The following PLCL1 variants were observed in gnomAD, a reference collection of about 807,000 sequenced individuals.
PLCL1 encodes phospholipase C like 1 (inactive).
In PLCL1, 41 loss-of-function variants were observed where a neutral mutation model predicts 84.4. That is an observed-to-expected ratio of 0.49 (90% confidence interval 0.38 to 0.63). The LOEUF is 0.63. PLCL1 is among the 30% of genes least tolerant of loss of function. PLCL1 has a pLI of 0.00. For missense variants in PLCL1, 1,206 were observed against 1,367.8 expected (o/e 0.88, Z 1.87); for synonymous variants, 490 against 488.3 (o/e 1.00, Z -0.05).
At chr2:198,134,766 GA>G (rs1369827254) in intron 5 of PLCL1, among the ~76,000 whole-genome samples, 1 of 152,168 alleles carries the variant, frequency 6.6e-6, no homozygotes, top group East Asian at 1.9e-4. Flanking sequence ...TGTGCCCTTG[GA>G]ATTGTGTAAC....
chr2:198,104,761 T>C (rs1411313685), intron 5 of PLCL1, among the ~76,000 whole-genome samples: 1 of 152,112 alleles, frequency 6.6e-6, no homozygotes, highest in East Asian at 1.9e-4. Flanking sequence ...TGGTTTTGAT[T>C]TGGATTTCTC....
chr2:198,027,424 A>G (rs1004858891), intron 1 of PLCL1, among the ~76,000 whole-genome samples: 3 of 152,182 alleles, frequency 2.0e-5, no homozygotes, highest in Non-Finnish European at 4.4e-5. Flanking sequence ...CAAGAGACCC[A>G]TTGTACAACA....
At chr2:198,027,511 A>G (rs1383403517) in intron 1 of PLCL1, among the ~76,000 whole-genome samples, 1 of 152,214 alleles carries the variant, frequency 6.6e-6, no homozygotes, top group Non-Finnish European at 1.5e-5. Context: ...TGCTTATGAC[A>G]AAAAATGATA....
intron 1 of PLCL1, among the ~76,000 whole-genome samples, chr2:197,829,635 T>C (rs1359155618): frequency 1.3e-5 from 2 of 152,242 alleles, no homozygotes; most frequent in African/African-American, 4.8e-5. Context: ...CAAATGTTTT[T>C]GTTTGCTTTA....
chr2:197,892,183 T>C (rs996591215), intron 1 of PLCL1, among the ~76,000 whole-genome samples: 3 of 152,190 alleles, frequency 2.0e-5, no homozygotes, highest in African/African-American at 7.2e-5. Context: ...ATTTTCTAGT[T>C]AAGTCTTAAG....
chr2:197,959,967 C>G (rs994455115), intron 1 of PLCL1, among the ~76,000 whole-genome samples: 2 of 152,016 alleles, frequency 1.3e-5, no homozygotes, highest in African/African-American at 4.8e-5. Flanking sequence ...TCTGTGGCAC[C>G]TCCACCTCTC....
chr2:197,933,732 G>A (rs572665140), intron 1 of PLCL1, among the ~76,000 whole-genome samples: 3 of 152,006 alleles, frequency 2.0e-5, no homozygotes, highest in Non-Finnish European at 4.4e-5. Context: ...TGGGAAGAAG[G>A]TTCTTGATGT....
At chr2:197,921,999 C>CTTT (rs34033380) in intron 1 of PLCL1, among the ~76,000 whole-genome samples, 30,793 of 121,162 alleles carry the variant, frequency 0.25, 4,609 homozygotes, top group East Asian at 0.49. Context: ...TTGATAAATT[C>CTTT]TTTTTTTTTT....
rs1559039384 is a variant in PLCL1 at position 197,899,637 on chromosome 2, TTC to T, written c.240+94300_240+94301del. 3.8e-4 allele frequency among the ~76,000 whole-genome samples: 56 copies of T among 145,988 alleles called. 2 individuals are homozygous for T. Among genetic ancestry groups the T allele is most frequent in the African/African-American group, 1.2e-3 (45 of 39,044 alleles). On this transcript the variant is annotated intron_variant, in intron 1 of 5. Coordinates refer to ENST00000428675, the MANE Select transcript of PLCL1 (RefSeq NM_006226.4). Reference sequence around the variant, plus strand: ...GGGCCTTGGCACATGAGTTCTTTCTTTCTTTTTTTTTTTTTTGAGACGGAGTC... The same window carrying T: ...GGGCCTTGGCACATGAGTTCTTTCTTTTTTTTTTTTTTTTGAGACGGAGTC...
intron 4 of PLCL1, among the ~76,000 whole-genome samples, chr2:198,101,841 G>A (rs1247051016): frequency 1.3e-5 from 2 of 151,952 alleles, no homozygotes; most frequent in Admixed American, 1.3e-4. Context: ...GAGTGTACTT[G>A]TTTATTTCTG....
Position 198,031,927 on chromosome 2 carries a change from T to C in PLCL1, c.241-51831T>C, listed in dbSNP as rs146616548. 2.2e-3 allele frequency among the ~76,000 whole-genome samples: 328 copies of C among 152,270 alleles called. 1 individual carries two copies. Among genetic ancestry groups the C allele is most frequent in the Middle Eastern group, 6.8e-3 (2 of 294 alleles). On this transcript the variant is annotated intron_variant, in intron 1 of 5. Transcript: ENST00000428675. ...AAAAATAATTTGAGAGCACAAATCT[T>C]ATAGCATTGTCATGTAAGATGGGTA...
At chr2:198,140,170 C>T (rs1031188290) in intron 5 of PLCL1, among the ~76,000 whole-genome samples, 1 of 152,010 alleles carries the variant, frequency 6.6e-6, no homozygotes, top group African/African-American at 2.4e-5. Context: ...CTTTTTTAAG[C>T]TCTGGTCAAC....
chr2:198,096,798 C>T (rs1232356245), intron 3 of PLCL1, among the ~76,000 whole-genome samples: 1 of 152,074 alleles, frequency 6.6e-6, no homozygotes, highest in African/African-American at 2.4e-5. Context: ...GAGCAGGAAT[C>T]TAGCAAAAAA....
At chr2:198,057,317 G>A (rs939445042) in intron 1 of PLCL1, among the ~76,000 whole-genome samples, 3 of 152,120 alleles carry the variant, frequency 2.0e-5, no homozygotes, top group African/African-American at 7.2e-5. Context: ...AGGACAGGAG[G>A]AGCTGGTGAG....
intron 5 of PLCL1, among the ~76,000 whole-genome samples, chr2:198,121,973 A>C (rs757680626): frequency 1.3e-5 from 2 of 151,996 alleles, no homozygotes; most frequent in Non-Finnish European, 2.9e-5. Flanking sequence ...TCAGTGCTTC[A>C]GCTCCTTCAA....
At chr2:197,894,099 C>G (rs1365755706) in intron 1 of PLCL1, among the ~76,000 whole-genome samples, 1 of 151,910 alleles carries the variant, frequency 6.6e-6, no homozygotes, top group Non-Finnish European at 1.5e-5. Flanking sequence ...ATTCCACCAG[C>G]TGACTTCTAT....
chr2:197,928,301 C>T (rs1688871256), intron 1 of PLCL1, among the ~76,000 whole-genome samples: 1 of 152,146 alleles, frequency 6.6e-6, no homozygotes, highest in South Asian at 2.1e-4. Context: ...TGACTCTGTA[C>T]TCAGTGGCAT....
Position 197,924,610 on chromosome 2 carries a change from A to G in PLCL1, c.240+119271A>G, listed in dbSNP as rs933125195. 6.6e-5 allele frequency among the ~76,000 whole-genome samples: 10 copies of G among 152,114 alleles called. 1 individual carries two copies. The Middle Eastern group carries it at 0.01, about 155-fold the overall frequency. On this transcript the variant is annotated intron_variant, in intron 1 of 5. Transcript: ENST00000428675. ...TTTATAGACCAGGGAACTGAAGTAC[A>G]GAGGGCTAAACTTGTTTAATGAAGC...
chr2:197,916,259 G>A (rs1293245333), intron 1 of PLCL1, among the ~76,000 whole-genome samples: 3 of 152,136 alleles, frequency 2.0e-5, no homozygotes, highest in African/African-American at 7.2e-5. Flanking sequence ...TTTAAGCACT[G>A]GGAAAGAATA....
Sources: gnomAD v4.1 joint callset for allele counts (sites outside exome capture counted in the v4.1 genomes callset) on GRCh38, gnomAD v4.1.1 for gene constraint, MANE v1.5 for transcripts, NCBI Gene and HGNC (gene_info 2026-07-23, HGNC 2026-07-21) for gene names.